CEP63: variants seen among roughly 807,000 people sequenced by gnomAD.
The protein encoded by CEP63 is centrosomal protein 63, also known as centrosomal protein of 63 kDa.
Under a neutral mutation model 89.1 loss-of-function variants are expected in CEP63, and 84 were observed. That is an observed-to-expected ratio of 0.94 (90% CI 0.79 to 1.13). The LOEUF (loss-of-function observed/expected upper bound fraction) is 1.13, where lower values mean the gene tolerates loss of function less well. CEP63 is among the 50% of genes most tolerant of loss of function. The pLI is 0.00. For synonymous variants in CEP63, 267 were observed against 272.5 expected (o/e 0.98, Z 0.20); for missense variants, 838 against 813.3 (o/e 1.03, Z -0.37).
Position 134,532,985 on chromosome 3 carries a change from A to G in CEP63, c.441+85A>G, listed in dbSNP as rs1006352403. 7 of 1,434,714 alleles carry G rather than the reference A, an allele frequency of 4.9e-6. No homozygotes were observed. In the African/African-American group the frequency reaches 9.8e-5, roughly 20 times the overall value. 88.9% of individuals were successfully genotyped at this position (1,434,714 alleles called of 1,614,324 possible). A position where few individuals can be genotyped will look rare whatever the true frequency, so the allele number is the denominator to read the frequency against. On this transcript the variant is annotated intron_variant, in intron 5 of 14. Transcript: ENST00000675561. ...GTTTCTAATGGCACTATTTTCTGGA[A>G]CCAATTTTCTACTATCTTAAGGACT...
At chr3:134,618,688 C>T in the CEP63 span, among the ~76,000 whole-genome samples, 47 of 152,312 alleles carry the variant, frequency 3.1e-4, no homozygotes, top group Non-Finnish European at 5.9e-4. Flanking sequence ...CAAGAGTAGC[C>T]GCTTCGTAGT....
intron 3 of CEP63, among the ~76,000 whole-genome samples, chr3:134,528,165 G>A (rs964261466): frequency 3.9e-5 from 6 of 152,126 alleles, no homozygotes; most frequent in East Asian, 1.9e-4. Context: ...GTCCAGGTGC[G>A]TAGTCGCCTC....
the CEP63 span, among the ~76,000 whole-genome samples, chr3:134,692,286 T>C: frequency 1.3e-5 from 2 of 151,650 alleles, no homozygotes; most frequent in Non-Finnish European, 2.9e-5. Flanking sequence ...CAGGCCCTGG[T>C]GTGTGATGTT....
chr3:134,726,410 G>A, the CEP63 span, among the ~76,000 whole-genome samples: 1 of 151,560 alleles, frequency 6.6e-6, no homozygotes, highest in Admixed American at 6.6e-5. Flanking sequence ...CTTTGAATGA[G>A]GTGCTCTGTA....
At chr3:134,712,377 C>T in the CEP63 span, among the ~76,000 whole-genome samples, 2 of 120,226 alleles carry the variant, frequency 1.7e-5, no homozygotes, top group African/African-American at 2.5e-5. Flanking sequence ...CTTAGGGGAC[C>T]CCCTTAGTTT....
chr3:134,777,327 T>A, the CEP63 span, among the ~76,000 whole-genome samples: 5 of 152,348 alleles, frequency 3.3e-5, no homozygotes, highest in Admixed American at 1.3e-4. Flanking sequence ...AAAAGCAGGA[T>A]AAATTGGCCT....
chr3:134,596,997 A>G, the CEP63 span, among the ~76,000 whole-genome samples: 1 of 152,196 alleles, frequency 6.6e-6, no homozygotes. Context: ...CAGCATGTAT[A>G]AAGCACGCTG....
chr3:134,691,667 A>G, the CEP63 span, among the ~76,000 whole-genome samples: 1 of 152,184 alleles, frequency 6.6e-6, no homozygotes, highest in South Asian at 2.1e-4. Flanking sequence ...ACAAATCATT[A>G]CATGCTAATA....
At position 134,564,818 on chromosome 3, in the gene CEP63, A is replaced by G; in HGVS notation, c.*3283A>G. 2.0e-6 allele frequency: 2 copies of G among 985,360 alleles called. No individual in the cohort carries two copies. Among genetic ancestry groups the G allele is most frequent in the Non-Finnish European group, 1.2e-6 (1 of 829,844 alleles). 61.0% of individuals were successfully genotyped at this position (985,360 alleles called of 1,614,324 possible). A position where few individuals can be genotyped will look rare whatever the true frequency, so the allele number is the denominator to read the frequency against. On this transcript the variant is annotated 3_prime_UTR_variant, in exon 15 of 15. Coordinates refer to ENST00000675561, the MANE Select transcript of CEP63 (RefSeq NM_001353108.3). ...GAAACGTTTGTACTACGTGTTGACT[A>G]GGAGGAACAATGACAGACTCTGTAG...
rs900158982 is a variant in CEP63 at position 134,486,169 on chromosome 3, T to G, written c.-59T>G. ...CGACTACAGAGGCTGGACGTAAGCT[T>G]AGCGGTGGCGCGCGTGCGCAGCGCC... On this transcript the variant is annotated 5_prime_UTR_variant, in exon 1 of 15. Coordinates refer to ENST00000675561, the MANE Select transcript of CEP63 (RefSeq NM_001353108.3). The G allele has an allele frequency of 3.0e-6, 3 of 985,532 alleles. No individual in the cohort carries two copies. The highest frequency in any genetic ancestry group is 3.5e-5 in the African/African-American group (2 of 57,364). The allele number at this position is 985,532 out of a possible 1,614,324, so 61.0% of individuals were successfully genotyped here. A position where few individuals can be genotyped will look rare whatever the true frequency, so the allele number is the denominator to read the frequency against.
the CEP63 span, among the ~76,000 whole-genome samples, chr3:134,694,265 T>C: frequency 6.6e-6 from 1 of 152,198 alleles, no homozygotes; most frequent in African/African-American, 2.4e-5. Context: ...CCTGCTCTCC[T>C]GGTCCAGAAT....
the CEP63 span, among the ~76,000 whole-genome samples, chr3:134,698,908 CTCT>C: frequency 6.6e-6 from 1 of 152,240 alleles, no homozygotes; most frequent in Non-Finnish European, 1.5e-5. Context: ...CACCAGCTAG[CTCT>C]TCTTCAGCAC....
At chr3:134,575,059 TAA>T (rs1297922606), downstream of CEP63, 1 of 393,244 alleles carries the variant, frequency 2.5e-6, no homozygotes, top group Non-Finnish European at 4.5e-6. Context: ...ATGAAGAATT[TAA>T]AGACTGTCAC....
At chr3:134,499,966 G>A (rs2108216443) in intron 2 of CEP63, among the ~76,000 whole-genome samples, 1 of 151,894 alleles carries the variant, frequency 6.6e-6, no homozygotes, top group Non-Finnish European at 1.5e-5. Flanking sequence ...TGGGATTACA[G>A]GCACACACCA....
chr3:134,625,064 A>C, the CEP63 span: 1 of 1,598,458 alleles, frequency 6.3e-7, no homozygotes, highest in Non-Finnish European at 8.5e-7. Context: ...TGTGAGGCGT[A>C]GATATCCAAT....
chr3:134,763,539 C>T, the CEP63 span, among the ~76,000 whole-genome samples: 100,440 of 152,044 alleles, frequency 0.66, 34,335 homozygotes, highest in East Asian at 0.87. Context: ...TTGTTTAATT[C>T]CCCAGGCAAC....
chr3:134,717,236 T>G, the CEP63 span, among the ~76,000 whole-genome samples: 1 of 152,184 alleles, frequency 6.6e-6, no homozygotes, highest in Non-Finnish European at 1.5e-5. Flanking sequence ...CTGTTTAAAC[T>G]CCTATTGCTA....
chr3:134,659,736 G>A, the CEP63 span, among the ~76,000 whole-genome samples: 1 of 152,198 alleles, frequency 6.6e-6, no homozygotes, highest in Non-Finnish European at 1.5e-5. Flanking sequence ...AAAGGGCTTT[G>A]GAGGATCTGA....
chr3:134,721,811 G>A, the CEP63 span, among the ~76,000 whole-genome samples: 2 of 151,990 alleles, frequency 1.3e-5, no homozygotes, highest in South Asian at 2.1e-4. Context: ...TCCATTTGCA[G>A]GACAAATCCC....
Sources: gnomAD v4.1 joint callset for allele counts (sites outside exome capture counted in the v4.1 genomes callset) on GRCh38, gnomAD v4.1.1 for gene constraint, MANE v1.5 for transcripts, NCBI Gene and HGNC (gene_info 2026-07-23, HGNC 2026-07-21) for gene names.